The following CDK6 variants were observed in gnomAD, a reference collection of about 807,000 sequenced individuals.
The protein encoded by CDK6 is cyclin-dependent kinase 6.
Under a neutral mutation model 37.1 loss-of-function variants are expected in CDK6, and 6 were observed. The observed-to-expected ratio is 0.16, with a 90% CI of 0.09 to 0.32. The LOEUF (loss-of-function observed/expected upper bound fraction) is 0.32. Ranked by LOEUF, CDK6 falls within the 10% of genes least tolerant of loss-of-function variation. The pLI, the probability that CDK6 is intolerant of heterozygous loss-of-function variation, is 1.00. For synonymous variants in CDK6, 160 were observed against 161.3 expected, an observed-to-expected ratio of 0.99 and a Z score of 0.06; for missense variants, 224 against 418.9, an observed-to-expected ratio of 0.53 and a Z score of 4.06.
chr7:92,621,806 C>T (rs1795810546), intron 6 of CDK6, among the ~76,000 whole-genome samples: 2 of 152,118 alleles, frequency 1.3e-5, no homozygotes, highest in Admixed American at 1.3e-4. Flanking sequence ...ACCCAGGAAG[C>T]CCCCAGGCAT....
chr7:92,833,422 G>GT lies in CDK6; in HGVS notation c.-100_-99insA. On this transcript the variant is annotated 5_prime_UTR_variant, in exon 2 of 8. Transcript: ENST00000424848. This position sits in a 1 kb window ranked among gnomAD's most constrained non-coding sequence, Gnocchi z 6.1. ...CTCGCCTACTCCGGGGCTCCCCGGA[G>GT]ATCGGTCTAGCTTTACTTGCTCCCC... 1.2e-6 allele frequency: 1 copy of GT among 826,948 alleles called. No individual in the cohort carries two copies. Among genetic ancestry groups the GT allele is most frequent in the Non-Finnish European group, 1.8e-6 (1 of 544,722 alleles). The allele number at this position is 826,948 out of a possible 1,614,324, so 51.2% of individuals were successfully genotyped here.
At position 92,829,396 on chromosome 7, in the gene CDK6, A is replaced by G. The variant is rs538565360; in HGVS notation, c.233+3695T>C. Among the ~76,000 whole-genome samples, 5 of 152,358 alleles carry G rather than the reference A, an allele frequency of 3.3e-5. No homozygotes were observed. In the South Asian group the frequency reaches 1.0e-3, roughly 32 times the overall value. On this transcript the variant is annotated intron_variant, in intron 2 of 7. Transcript: ENST00000424848. ...TGCTTTTACTGTTACACTAATAAAT[A>G]TAATCCCTAGAAACAATACAGGTAA...
At chr7:92,628,027 T>G (rs557613392) in intron 5 of CDK6, among the ~76,000 whole-genome samples, 1 of 152,144 alleles carries the variant, frequency 6.6e-6, no homozygotes, top group Non-Finnish European at 1.5e-5. Context: ...TTACCATATA[T>G]TCAATCAAGT....
At chr7:92,703,101 C>T (rs892001603) in intron 4 of CDK6, among the ~76,000 whole-genome samples, 8 of 152,060 alleles carry the variant, frequency 5.3e-5, no homozygotes, top group African/African-American at 1.9e-4. Context: ...CTTATAAAAC[C>T]CAAATGAACT....
At chr7:92,718,821 A>C (rs890825062) in intron 4 of CDK6, among the ~76,000 whole-genome samples, 8 of 152,144 alleles carry the variant, frequency 5.3e-5, no homozygotes, top group Non-Finnish European at 1.0e-4. Flanking sequence ...TCTGTTTCTA[A>C]CTAGACATTT....
chr7:92,652,956 C>T (rs1796609554), intron 5 of CDK6, among the ~76,000 whole-genome samples: 1 of 152,168 alleles, frequency 6.6e-6, no homozygotes, highest in Non-Finnish European at 1.5e-5. Context: ...ATTAAGACAA[C>T]TTAGCTGAAA....
chr7:92,700,269 G>A (rs1285802173), intron 4 of CDK6, among the ~76,000 whole-genome samples: 1 of 152,194 alleles, frequency 6.6e-6, no homozygotes, highest in Non-Finnish European at 1.5e-5. Flanking sequence ...GGGCGTGTAT[G>A]TCAGATATGC....
At chr7:92,771,602 T>G (rs1454426455) in intron 3 of CDK6, among the ~76,000 whole-genome samples, 3 of 152,188 alleles carry the variant, frequency 2.0e-5, no homozygotes, top group African/African-American at 7.2e-5. Flanking sequence ...GTGTTTGCAT[T>G]TTATCTCTTC....
At chr7:92,688,632 CAG>C (rs1241057294) in intron 4 of CDK6, among the ~76,000 whole-genome samples, 5 of 144,876 alleles carry the variant, frequency 3.5e-5, no homozygotes, top group Non-Finnish European at 7.5e-5. Context: ...CACACACACA[CAG>C]AGTTCTTAGA....
intron 4 of CDK6, among the ~76,000 whole-genome samples, chr7:92,684,588 A>G (rs2116629431): frequency 6.6e-6 from 1 of 152,266 alleles, no homozygotes; most frequent in Middle Eastern, 3.4e-3. Context: ...AAGACCAGGC[A>G]TCACCCTTCC....
chr7:92,623,216 G>A (rs1795844360), intron 5 of CDK6, 130 bp from the exon 6 acceptor site: 3 of 651,334 alleles, frequency 4.6e-6, no homozygotes, highest in Admixed American at 2.8e-5. Flanking sequence ...AAAAAATTGA[G>A]ACATTTTTCC....
intron 5 of CDK6, among the ~76,000 whole-genome samples, chr7:92,635,782 G>A (rs1796156850): frequency 6.6e-6 from 1 of 152,022 alleles, no homozygotes. Context: ...CCATGATACC[G>A]TGCTGTGCTA....
intron 4 of CDK6, among the ~76,000 whole-genome samples, chr7:92,679,620 T>G (rs1169942460): frequency 6.6e-6 from 1 of 152,268 alleles, no homozygotes; most frequent in Non-Finnish European, 1.5e-5. Flanking sequence ...TAAAACTTTC[T>G]AATACATATG....
intron 4 of CDK6, among the ~76,000 whole-genome samples, chr7:92,688,100 T>G: frequency 6.6e-6 from 1 of 152,140 alleles, no homozygotes; most frequent in Non-Finnish European, 1.5e-5. Context: ...TTTGTACATG[T>G]CTCTTGTTGG....
In CDK6 at chr7:92,644,131, T is replaced by C. The variant is rs1013219541; in HGVS notation, c.648-21045A>G. On this transcript the variant is annotated intron_variant, in intron 5 of 7. Coordinates refer to ENST00000424848, the MANE Select transcript of CDK6 (RefSeq NM_001145306.2). ...TGTGGCACTCACAACCAAAAGGCTT[T>C]TGAAACAGCACTGGTGAGTCCTGAC... is the stretch of plus-strand genomic sequence containing the variant. 3.3e-5 allele frequency among the ~76,000 whole-genome samples: 5 copies of C among 152,226 alleles called. No homozygotes were observed. The East Asian group carries it at 5.8e-4, about 18-fold the overall frequency.
Position 92,608,119 on chromosome 7 carries a change from G to A in CDK6, c.*7021C>T, listed in dbSNP as rs1795471312. On this transcript the variant is annotated 3_prime_UTR_variant, in exon 8 of 8. Coordinates refer to ENST00000424848, the MANE Select transcript of CDK6 (RefSeq NM_001145306.2). ...CAACGGAATTTTTCTAGGGACCACA[G>A]AGAGTTAGAAATTAAATAATTGTGT... 1 of 232,884 alleles carries A rather than the reference G, an allele frequency of 4.3e-6. No homozygotes were observed. The highest frequency in any genetic ancestry group is 2.2e-5 in the African/African-American group (1 of 45,324). The allele number at this position is 232,884 out of a possible 1,614,324, so 14.4% of individuals were successfully genotyped here. A position where few individuals can be genotyped will look rare whatever the true frequency, so the allele number is the denominator to read the frequency against.
chr7:92,831,361 C>T (rs3731267), intron 2 of CDK6, among the ~76,000 whole-genome samples: 31,419 of 152,094 alleles, frequency 0.21, 4,124 homozygotes, highest in African/African-American at 0.37. Context: ...TGGAAGGACA[C>T]TATTCATTCA....
At chr7:92,813,756 A>G (rs1800949516) in intron 2 of CDK6, among the ~76,000 whole-genome samples, 2 of 152,156 alleles carry the variant, frequency 1.3e-5, no homozygotes, top group African/African-American at 4.8e-5. Context: ...TATTTTGGGG[A>G]GGGGAGGAAC....
intron 6 of CDK6, among the ~76,000 whole-genome samples, chr7:92,618,542 A>C (rs1189668258): frequency 2.0e-5 from 3 of 152,214 alleles, no homozygotes; most frequent in African/African-American, 7.2e-5. Flanking sequence ...AGCAGGACTT[A>C]TTGTATTCAG....
Sources: gnomAD v4.1 joint callset for allele counts (sites outside exome capture counted in the v4.1 genomes callset) on GRCh38, gnomAD v4.1.1 for gene constraint, Gnocchi (gnomAD v3.1) non-coding constraint, MANE v1.5 for transcripts, NCBI Gene and HGNC (gene_info 2026-07-23, HGNC 2026-07-21) for gene names.